MEGF8: variants seen among roughly 807,000 people sequenced by gnomAD.
The protein encoded by MEGF8 is multiple epidermal growth factor-like domains protein 8.
Under a neutral mutation model 302.9 loss-of-function variants are expected in MEGF8, and 156 were observed. The ratio of observed to expected loss-of-function variants is 0.52; its 90% confidence interval spans 0.45 to 0.59. The LOEUF (loss-of-function observed/expected upper bound fraction) is 0.59. MEGF8 is among the 20% of genes least tolerant of loss of function. The pLI is 0.00. For synonymous variants in MEGF8, 1,621 were observed against 1,660.5 expected (o/e 0.98, Z 0.58); for missense variants, 3,345 against 3,964.5 (o/e 0.84, Z 4.20).
At position 42,354,560 on chromosome 19, in the gene MEGF8, C is replaced by G; in HGVS notation, c.4012-28C>G. On this transcript the variant is annotated intron_variant, in intron 22 of 41. Coordinates refer to ENST00000251268, the MANE Select transcript of MEGF8 (RefSeq NM_001271938.2). This position sits in a 1 kb window ranked among gnomAD's most constrained non-coding sequence, Gnocchi z 4.3. ...GGTGTCGTTCTCATCCTCATTGTCT[C>G]CTAATCCTCGATTCTGCACCCCTCT... The G allele has an allele frequency of 6.3e-7, 1 of 1,597,722 alleles. No individual in the cohort carries two copies. Among genetic ancestry groups the G allele is most frequent in the Non-Finnish European group, 8.6e-7 (1 of 1,168,868 alleles).
chr19:42,358,097 T>G lies in MEGF8; in HGVS notation c.5012-47T>G, dbSNP rs1235375646. ...GGGACCGGGAGGTCGGCGGGGTCAG[T>G]GCTGTTGTCAGCCCCTCCCCCAGCC... On this transcript the variant is annotated intron_variant, in intron 28 of 41. Coordinates refer to ENST00000251268, the MANE Select transcript of MEGF8 (RefSeq NM_001271938.2). The surrounding 1 kb of genome is among the most constrained non-coding windows in gnomAD (Gnocchi z 4.4). 2.0e-6 allele frequency: 3 copies of G among 1,468,778 alleles called. No individual in the cohort carries two copies. Among genetic ancestry groups the G allele is most frequent in the Non-Finnish European group, 2.7e-6 (3 of 1,110,630 alleles). The allele number at this position is 1,468,778 out of a possible 1,614,324, so 91.0% of individuals were successfully genotyped here. A position where few individuals can be genotyped will look rare whatever the true frequency, so the allele number is the denominator to read the frequency against.
intron 32 of MEGF8, among the ~76,000 whole-genome samples, chr19:42,361,665 C>T: frequency 6.6e-6 from 1 of 152,066 alleles, no homozygotes; most frequent in East Asian, 1.9e-4. Context: ...GATTGTGGAC[C>T]CCCCCTGTGC....
Position 42,344,269 on chromosome 19 carries a change from G to A in MEGF8, c.1789-172G>A, listed in dbSNP as rs906608153. 1.9e-4 allele frequency among the ~76,000 whole-genome samples: 23 copies of A among 122,800 alleles called. No individual in the cohort carries two copies. Among genetic ancestry groups the A allele is most frequent in the African/African-American group, 6.7e-4 (22 of 32,608 alleles). 80.6% of individuals were successfully genotyped at this position (122,800 alleles called of 152,430 possible). On this transcript the variant is annotated intron_variant, in intron 10 of 41. Coordinates refer to ENST00000251268, the MANE Select transcript of MEGF8 (RefSeq NM_001271938.2). The surrounding 1 kb of genome is among the most constrained non-coding windows in gnomAD (Gnocchi z 4.5). ...CACCCAGCCCGACCCTTTTGAGCCC[G>A]TGACCCCATCCCCGCATCCCCCGTC...
Position 42,326,291 on chromosome 19 carries a change from C to G in MEGF8, c.48C>G (p.Ala16=). ...VLAMALVLAL[A]VLGSLSPGAR... ...CCATGGCACTGGTTTTGGCCTTGGC[C>G]GTGCTGGGGTCGCTGTCCCCTGGGG... The change falls in exon 1 of 42, where the codon GCC becomes GCG. Residue 16 remains alanine (A), a synonymous_variant. Coordinates refer to ENST00000251268, the MANE Select transcript of MEGF8 (RefSeq NM_001271938.2). 1 of 1,561,530 alleles carries G rather than the reference C, an allele frequency of 6.4e-7. No individual in the cohort carries two copies. The highest frequency in any genetic ancestry group is 8.6e-7 in the Non-Finnish European group (1 of 1,160,864).
At position 42,353,653 on chromosome 19, in the gene MEGF8, C is replaced by A. The variant is rs764699934; in HGVS notation, c.3739C>A (p.Pro1247Thr). Reference sequence around the variant, plus strand: ...GGGTGCCCACTGCCAGCTCTGCTCCCCAGGCTATTATGGGGATCCCCGGTG... The same window carrying A: ...GGGTGCCCACTGCCAGCTCTGCTCCACAGGCTATTATGGGGATCCCCGGTG... The part of the protein sequence containing the change: ...TEGAHCQLCS[P>T]GYYGDPRAGG... Residue 1247 changes from proline to threonine, a missense_variant, in exon 21 of 42, where the codon CCA becomes ACA. By Grantham distance (38) the Pro-to-Thr change is conservative (BLOSUM62 -1). Transcript: ENST00000251268. The surrounding 1 kb of genome is among the most constrained non-coding windows in gnomAD (Gnocchi z 6.1). 11 of 1,579,914 alleles carry A rather than the reference C, an allele frequency of 7.0e-6. No homozygotes were observed. The highest frequency in any genetic ancestry group is 7.8e-6 in the Non-Finnish European group (9 of 1,160,458).
At chr19:42,332,957 C>T (rs1456503996) in intron 1 of MEGF8, among the ~76,000 whole-genome samples, 1 of 152,212 alleles carries the variant, frequency 6.6e-6, no homozygotes, top group African/African-American at 2.4e-5. Context: ...CAAGATCACA[C>T]AGCTGGTAGC....
rs2039400614 is a variant in MEGF8 at position 42,353,099 on chromosome 19, G to C, written c.3522G>C (p.Arg1174=). 1 of 1,548,576 alleles carries C rather than the reference G, an allele frequency of 6.5e-7. No individual in the cohort carries two copies. Among genetic ancestry groups the C allele is most frequent in the Non-Finnish European group, 8.7e-7 (1 of 1,146,400 alleles). The change falls in exon 20 of 42, where the codon CGG becomes CGC. Residue 1174 remains arginine, a synonymous_variant. Transcript: ENST00000251268. The surrounding 1 kb of genome is among the most constrained non-coding windows in gnomAD (Gnocchi z 6.1). ...GCTTCCACAGCCACTGCCGCAAGCG[G>C]GGCCCTGGCTTCTGCGACGAGTGCC... ...GCSFHSHCRK[R]GPGFCDECQD... is the part of the protein sequence containing the mutation.
intron 41 of MEGF8, among the ~76,000 whole-genome samples, chr19:42,374,461 ACT>A (rs904464042): frequency 4.3e-5 from 6 of 138,748 alleles, no homozygotes; most frequent in African/African-American, 1.4e-4. Flanking sequence ...ACAGAGCGAG[ACT>A]CTGTCTCAAA....
chr19:42,331,759 G>A (rs1052107620), intron 1 of MEGF8, among the ~76,000 whole-genome samples: 2 of 151,674 alleles, frequency 1.3e-5, no homozygotes, highest in Non-Finnish European at 2.9e-5. Flanking sequence ...TAGTAGAGAC[G>A]GGGTTTCACC....
chr19:42,331,850 G>A (rs1033464096), intron 1 of MEGF8, among the ~76,000 whole-genome samples: 42 of 146,280 alleles, frequency 2.9e-4, no homozygotes, highest in African/African-American at 9.9e-4. Flanking sequence ...GATTATAGGC[G>A]TGACCCACGG....
Position 42,343,459 on chromosome 19 carries a change from G to C in MEGF8, c.1514-18G>C, listed in dbSNP as rs1337355128. 6.3e-7 allele frequency: 1 copy of C among 1,575,096 alleles called. No individual in the cohort carries two copies. The highest frequency in any genetic ancestry group is 2.3e-5 in the East Asian group (1 of 44,018). ...GGCTGGGGGTCTAATAATGTCATTG[G>C]GGTCTCTATTCCCCTAGGCCGAGCA... On this transcript the variant is annotated intron_variant, in intron 8 of 41. Transcript: ENST00000251268.
At chr19:42,373,522 T>C (rs1415504454) in intron 41 of MEGF8, among the ~76,000 whole-genome samples, 1 of 151,904 alleles carries the variant, frequency 6.6e-6, no homozygotes, top group Non-Finnish European at 1.5e-5. Context: ...CACCTCAGCC[T>C]CCTGAGTAGC....
rs560735151 is a variant in MEGF8 at position 42,358,608 on chromosome 19, C to T, written c.5176-179C>T. ...CGTATAAACCAGGACTGAGGCTCCC[C>T]GCTCTTTCTGCCTTCAAGGCCAAGG... On this transcript the variant is annotated intron_variant, in intron 29 of 41. Transcript: ENST00000251268. The surrounding 1 kb of genome is among the most constrained non-coding windows in gnomAD (Gnocchi z 4.4). Among the ~76,000 whole-genome samples, 51 of 152,270 alleles carry T rather than the reference C, an allele frequency of 3.3e-4. No homozygotes were observed. The South Asian group carries it at 4.8e-3, about 14-fold the overall frequency.
Position 42,352,594 on chromosome 19 carries a change from C to A in MEGF8, c.3350+138C>A. On this transcript the variant is annotated intron_variant, in intron 19 of 41. Coordinates refer to ENST00000251268, the MANE Select transcript of MEGF8 (RefSeq NM_001271938.2). The surrounding 1 kb of genome is among the most constrained non-coding windows in gnomAD (Gnocchi z 4.4). ...GTTAGCCAGGGGTTTTTACCTTGCA[C>A]ACTAGGTCCTTATTAGAGTGACAGG... 2 of 1,129,704 alleles carry A rather than the reference C, an allele frequency of 1.8e-6. No individual in the cohort carries two copies. Among genetic ancestry groups the A allele is most frequent in the Non-Finnish European group, 2.5e-6 (2 of 812,648 alleles). The allele number at this position is 1,129,704 out of a possible 1,614,324, so 70.0% of individuals were successfully genotyped here. A position where few individuals can be genotyped will look rare whatever the true frequency, so the allele number is the denominator to read the frequency against.
Position 42,377,799 on chromosome 19 carries a change from A to G in MEGF8, c.*1024A>G, listed in dbSNP as rs1290991861. On this transcript the variant is annotated 3_prime_UTR_variant, in exon 42 of 42. Coordinates refer to ENST00000251268, the MANE Select transcript of MEGF8 (RefSeq NM_001271938.2). ...GAGACTCCACCTCAAAAAAAAAAAA[A>G]AAATTTAAGAGGTCACTCAGTTGTG... The G allele has an allele frequency of 6.6e-6, 1 of 152,098 alleles. No homozygotes were observed. The highest frequency in any genetic ancestry group is 1.9e-4 in the East Asian group (1 of 5,196). 9.4% of individuals were successfully genotyped at this position (152,098 alleles called of 1,614,324 possible). A position where few individuals can be genotyped will look rare whatever the true frequency, so the allele number is the denominator to read the frequency against.
Position 42,360,993 on chromosome 19 carries a change from G to A in MEGF8, c.5707G>A (p.Asp1903Asn). 2 of 1,555,272 alleles carry A rather than the reference G, an allele frequency of 1.3e-6. No individual in the cohort carries two copies. The highest frequency in any genetic ancestry group is 1.7e-6 in the Non-Finnish European group (2 of 1,149,310). Residue 1903 changes from aspartate to asparagine, a missense_variant, in exon 32 of 42, where the codon GAT (aspartate) becomes AAT (asparagine). Physicochemically the swap from Asp to Asn is conservative, Grantham distance 23. Coordinates refer to ENST00000251268, the MANE Select transcript of MEGF8 (RefSeq NM_001271938.2). Reference protein sequence around the residue: ...TWCHGACLSGDQAHRLGCGGS... With the variant: ...TWCHGACLSGNQAHRLGCGGS... Reference sequence around the variant, plus strand: ...GTGCCATGGGGCCTGCTTGTCCGGGGATCAGGCCCACAGGTAACCATGGCG... The same window carrying A: ...GTGCCATGGGGCCTGCTTGTCCGGGAATCAGGCCCACAGGTAACCATGGCG...
chr19:42,370,762 A>G lies in MEGF8; in HGVS notation c.7067A>G (p.Asn2356Ser). 1 of 1,570,472 alleles carries G rather than the reference A, an allele frequency of 6.4e-7. No individual in the cohort carries two copies. The highest frequency in any genetic ancestry group is 8.6e-7 in the Non-Finnish European group (1 of 1,157,876). ...GAGGCCGTGTGCGTGAACTGCCAGA[A>G]TAACAGCTATGGGGAGAAATGCGAG... ...EDEAVCVNCQ[N>S]NSYGEKCESC... The change falls in exon 40 of 42, where the codon AAT (asparagine) becomes AGT (serine). Residue 2356 changes from asparagine (N) to serine (S), a missense_variant. By Grantham distance (46) the Asn-to-Ser change is conservative (BLOSUM62 1). Transcript: ENST00000251268.
At position 42,363,216 on chromosome 19, in the gene MEGF8, C is replaced by T. The variant is rs1180106059; in HGVS notation, c.6227C>T (p.Ala2076Val). The stretch of plus-strand genomic sequence containing the variant: ...ACCTCCTGCCTGGACTCTAAGGGAG[C>T]AGATGGGGGCTGGCAGCACTGTGTT... ...NCTSCLDSKGADGGWQHCVWS... is the reference protein window; with the variant it reads ...NCTSCLDSKGVDGGWQHCVWS... Residue 2076 changes from alanine to valine, a missense_variant, in exon 35 of 42, where the codon GCA becomes GTA. By Grantham distance (64) the Ala-to-Val change is moderately conservative. Transcript: ENST00000251268. 6.2e-7 allele frequency: 1 copy of T among 1,610,542 alleles called. No homozygotes were observed.
Position 42,344,145 on chromosome 19 carries a change from A to G in MEGF8, c.1788+72A>G, listed in dbSNP as rs1323774434. The G allele has an allele frequency of 5.8e-6, 9 of 1,539,530 alleles. No homozygotes were observed. The African/African-American group carries it at 1.1e-4, about 19-fold the overall frequency. On this transcript the variant is annotated intron_variant, in intron 10 of 41. Transcript: ENST00000251268. The surrounding 1 kb of genome is among the most constrained non-coding windows in gnomAD (Gnocchi z 4.5). ...CCTCAGTGTCTCCCTCTGCCTAACC[A>G]GATGGACAAGAACTTTCCCTCAACT...
Sources: allele counts gnomAD v4.1 joint callset (sites outside exome capture counted in the v4.1 genomes callset), GRCh38; gene constraint gnomAD v4.1.1; non-coding constraint Gnocchi (gnomAD v3.1); transcripts MANE v1.5; gene names NCBI Gene and HGNC (gene_info 2026-07-23, HGNC 2026-07-21).